RBMS2: variants seen among roughly 807,000 people sequenced by gnomAD.
RBMS2 encodes RNA-binding motif, single-stranded-interacting protein 2.
RBMS2 carries 38 observed loss-of-function variants against 58.4 expected under a neutral mutation model. That is an observed-to-expected ratio of 0.65 (90% CI 0.50 to 0.85). The LOEUF is 0.85. Among genes scored for constraint, RBMS2 ranks in the 40% least tolerant of loss-of-function variants. The pLI is 0.00. For missense variants in RBMS2, 367 were observed against 503.7 expected (o/e 0.73, Z 2.60); for synonymous variants, 151 against 180.7 (o/e 0.84, Z 1.32).
intron 2 of RBMS2, among the ~76,000 whole-genome samples, chr12:56,568,339 A>T (rs1319167707): frequency 1.3e-5 from 2 of 151,934 alleles, no homozygotes; most frequent in Admixed American, 6.6e-5. Flanking sequence ...GCCTCTACAC[A>T]CTCTTTCGTG....
chr12:56,523,856 G>T (rs773325789), intron 1 of RBMS2, among the ~76,000 whole-genome samples: 16 of 152,094 alleles, frequency 1.1e-4, no homozygotes, highest in Admixed American at 7.2e-4. Flanking sequence ...TATATGTATA[G>T]ATAATACATT....
intron 1 of RBMS2, among the ~76,000 whole-genome samples, chr12:56,526,654 G>T (rs1434844094): frequency 8.5e-6 from 1 of 116,976 alleles, no homozygotes; most frequent in Non-Finnish European, 1.7e-5. Flanking sequence ...ATGCCCTTCA[G>T]TAACTTGGTT....
intron 7 of RBMS2, 107 bp from the exon 8 acceptor site, chr12:56,581,726 A>T: frequency 1.5e-6 from 2 of 1,367,118 alleles, no homozygotes; most frequent in Non-Finnish European, 2.1e-6. Context: ...GGACTTGTCT[A>T]GGCTTTAATT....
intron 1 of RBMS2, among the ~76,000 whole-genome samples, chr12:56,523,606 C>T (rs2694919): frequency 0.13 from 19,231 of 151,912 alleles, 1,448 homozygotes; most frequent in Middle Eastern, 0.18. Context: ...TGGTGAAACC[C>T]CAAATTAGCT....
At chr12:56,572,308 AG>A (rs1882439745) in intron 5 of RBMS2, among the ~76,000 whole-genome samples, 2 of 147,614 alleles carry the variant, frequency 1.4e-5, no homozygotes, top group East Asian at 2.0e-4. Context: ...AAAAAAAAAA[AG>A]GTTCATTTTA....
At chr12:56,575,568 CA>C (rs1369646465) in intron 5 of RBMS2, among the ~76,000 whole-genome samples, 7 of 148,542 alleles carry the variant, frequency 4.7e-5, no homozygotes, top group Non-Finnish European at 6.0e-5. Flanking sequence ...CACCCCCCCT[CA>C]AAAAAAAAGG....
Position 56,589,191 on chromosome 12 carries a change from T to G in RBMS2, c.*58T>G, listed in dbSNP as rs957256457. ...AGAAATGAATTCTTGGAGATACTCA[T>G]GCTCCCAGATTCCAGAGGGTTAACC... On this transcript the variant is annotated 3_prime_UTR_variant, in exon 14 of 14. Transcript: ENST00000262031. 3.3e-6 allele frequency: 5 copies of G among 1,525,378 alleles called. No homozygotes were observed. The highest frequency in any genetic ancestry group is 4.4e-6 in the Non-Finnish European group (5 of 1,133,404). The allele number at this position is 1,525,378 out of a possible 1,614,324, so 94.5% of individuals were successfully genotyped here. A position where few individuals can be genotyped will look rare whatever the true frequency, so the allele number is the denominator to read the frequency against.
chr12:56,538,095 T>G (rs953279563), intron 1 of RBMS2, among the ~76,000 whole-genome samples: 1 of 152,086 alleles, frequency 6.6e-6, no homozygotes, highest in African/African-American at 2.4e-5. Flanking sequence ...TGCAATGGCA[T>G]GATCTCGGCT....
At chr12:56,551,933 C>T (rs192165582) in intron 1 of RBMS2, among the ~76,000 whole-genome samples, 2 of 152,222 alleles carry the variant, frequency 1.3e-5, no homozygotes, top group Non-Finnish European at 2.9e-5. Flanking sequence ...ACTAAAAATA[C>T]AAAACTTAGC....
At chr12:56,521,376 C>T (rs1331626264), upstream of RBMS2, among the ~76,000 whole-genome samples, 2 of 143,204 alleles carry the variant, frequency 1.4e-5, no homozygotes, top group Non-Finnish European at 3.0e-5. Context: ...GAGCCGGATC[C>T]GGGATTGCAC....
chr12:56,580,950 T>C (rs566895120), intron 5 of RBMS2, among the ~76,000 whole-genome samples: 1 of 152,318 alleles, frequency 6.6e-6, no homozygotes, highest in Non-Finnish European at 1.5e-5. Flanking sequence ...GTCTGAAGAC[T>C]GCCATTATTC....
chr12:56,546,348 AAATATAATGTAC>A (rs2136324539), intron 1 of RBMS2, among the ~76,000 whole-genome samples: 1 of 138,648 alleles, frequency 7.2e-6, no homozygotes, highest in Admixed American at 7.2e-5. Flanking sequence ...AATACATTAT[AAATATAATGTAC>A]AATATATTGT....
chr12:56,530,350 CTTTTTTT>C (rs71081373), intron 1 of RBMS2, among the ~76,000 whole-genome samples: 31 of 63,780 alleles, frequency 4.9e-4, no homozygotes, highest in South Asian at 1.3e-3. Flanking sequence ...TTTCTTTTTC[CTTTTTTT>C]TTTTTTTTTT....
intron 2 of RBMS2, among the ~76,000 whole-genome samples, chr12:56,566,846 A>C (rs936106654): frequency 1.3e-5 from 2 of 152,188 alleles, no homozygotes; most frequent in African/African-American, 4.8e-5. Flanking sequence ...CACAACTGTC[A>C]TGCAAATATA....
At chr12:56,538,131 C>T (rs1875285853) in intron 1 of RBMS2, among the ~76,000 whole-genome samples, 1 of 152,012 alleles carries the variant, frequency 6.6e-6, no homozygotes, top group Admixed American at 6.6e-5. Flanking sequence ...CTCTTGGGTT[C>T]AAGTGACTCT....
chr12:56,551,908 C>A (rs113701354), intron 1 of RBMS2, among the ~76,000 whole-genome samples: 1 of 152,190 alleles, frequency 6.6e-6, no homozygotes, highest in South Asian at 2.1e-4. Context: ...GCCAACATGG[C>A]AAAACCCAGT....
At chr12:56,546,429 GTATAA>G (rs1169937040) in intron 1 of RBMS2, among the ~76,000 whole-genome samples, 2 of 143,520 alleles carry the variant, frequency 1.4e-5, no homozygotes, top group African/African-American at 2.7e-5. Flanking sequence ...AAAATATAAT[GTATAA>G]TATAATATGT....
chr12:56,557,551 T>C (rs903737790), intron 1 of RBMS2, among the ~76,000 whole-genome samples: 1 of 152,136 alleles, frequency 6.6e-6, no homozygotes, highest in Non-Finnish European at 1.5e-5. Flanking sequence ...TTTTGCTGAC[T>C]GTAAGCTCAA....
intron 5 of RBMS2, chr12:56,573,169 C>T (rs1330282816): frequency 2.0e-6 from 2 of 983,988 alleles, no homozygotes; most frequent in Non-Finnish European, 2.4e-6. Flanking sequence ...TGTTTCAGAC[C>T]TTGGGAACAA....
Sources: gnomAD v4.1 joint callset for allele counts (sites outside exome capture counted in the v4.1 genomes callset) on GRCh38, gnomAD v4.1.1 for gene constraint, MANE v1.5 for transcripts, NCBI Gene and HGNC (gene_info 2026-07-23, HGNC 2026-07-21) for gene names.